Variants in PTPRD observed in about 807,000 individuals in gnomAD.
PTPRD encodes receptor-type tyrosine-protein phosphatase delta.
Under a neutral mutation model 214.5 loss-of-function variants are expected in PTPRD, and 34 were observed. The ratio of observed to expected loss-of-function variants is 0.16; its 90% confidence interval spans 0.12 to 0.21. The LOEUF is 0.21. Ranked by LOEUF, PTPRD falls within the 10% of genes least tolerant of loss-of-function variation. The pLI is 1.00. For missense variants in PTPRD, 2,545 were observed against 2,398.7 expected (o/e 1.06, Z -1.27); for synonymous variants, 1,128 against 845.7 (o/e 1.33, Z -5.79).
intron 2 of PTPRD, among the ~76,000 whole-genome samples, chr9:10,377,032 T>A (rs1598445123): frequency 6.6e-6 from 1 of 151,648 alleles, no homozygotes; most frequent in African/African-American, 2.4e-5. Flanking sequence ...CCATTAACCA[T>A]CCCCCCCTTC....
chr9:10,264,824 G>A (rs189879315), intron 3 of PTPRD, among the ~76,000 whole-genome samples: 4 of 152,222 alleles, frequency 2.6e-5, no homozygotes, highest in Non-Finnish European at 4.4e-5. Flanking sequence ...TTGAATTATA[G>A]CTCCCATAAT....
chr9:8,556,450 C>T (rs1456757873), intron 14 of PTPRD, among the ~76,000 whole-genome samples: 6 of 152,056 alleles, frequency 3.9e-5, no homozygotes, highest in Non-Finnish European at 5.9e-5. Context: ...TTGGAAATGG[C>T]TGAAAGTATA....
rs1491432473 is a variant in PTPRD at position 9,743,729 on chromosome 9, T to TACACACAC, written c.-325-9159_-325-9158insGTGTGTGT. Reference sequence around the variant, plus strand: ...ACTTCTTCATAGCAAAAACTCAGTCTATACACACACACACACACACACACA... The same window carrying TACACACAC: ...ACTTCTTCATAGCAAAAACTCAGTCTACACACACATACACACACACACACACACACACA... On this transcript the variant is annotated intron_variant, in intron 6 of 45. Transcript: ENST00000381196. 9.7e-5 allele frequency among the ~76,000 whole-genome samples: 5 copies of TACACACAC among 51,684 alleles called. No homozygotes were observed. In the East Asian group the frequency reaches 1.9e-3, roughly 20 times the overall value. The allele number at this position is 51,684 out of a possible 152,430, so 33.9% of individuals were successfully genotyped here. A position where few individuals can be genotyped will look rare whatever the true frequency, so the allele number is the denominator to read the frequency against.
rs2134464772 is a variant in PTPRD at position 8,465,569 on chromosome 9, G to A, written c.3611C>T (p.Thr1204Ile). 2 of 1,612,560 alleles carry A rather than the reference G, an allele frequency of 1.2e-6. No individual in the cohort carries two copies. Among genetic ancestry groups the A allele is most frequent in the Non-Finnish European group, 1.7e-6 (2 of 1,179,050 alleles). Residue 1204 changes from threonine (T) to isoleucine (I), a missense_variant, in exon 32 of 46, where the codon ACC becomes ATC. By Grantham distance (89) the Thr-to-Ile change is moderately conservative. Coordinates refer to ENST00000381196, the MANE Select transcript of PTPRD (RefSeq NM_002839.4). ...ACCATAATGCTTGTCATCCCCCAGG[G>A]TGAACTCAGTGGGAAGGACATCAAA... ...AHFDVLPTEF[T>I]LGDDKHYGGF...
intron 3 of PTPRD, among the ~76,000 whole-genome samples, chr9:10,042,164 C>T (rs181999337): frequency 1.3e-5 from 2 of 152,074 alleles, no homozygotes; most frequent in East Asian, 3.9e-4. Flanking sequence ...GCCCTGTAGG[C>T]ATATAAAAGA....
intron 35 of PTPRD, among the ~76,000 whole-genome samples, chr9:8,431,373 C>G (rs1037089752): frequency 7.9e-5 from 12 of 152,030 alleles, no homozygotes; most frequent in African/African-American, 2.4e-4. Flanking sequence ...GAGAAGATAT[C>G]AGGAAATTGC....
chr9:9,562,917 A>G (rs1295117788), intron 8 of PTPRD, among the ~76,000 whole-genome samples: 3 of 152,180 alleles, frequency 2.0e-5, no homozygotes, highest in Admixed American at 2.0e-4. Context: ...GTGGGCAGAC[A>G]TCTTTGCCGC....
intron 2 of PTPRD, among the ~76,000 whole-genome samples, chr9:10,468,367 G>A (rs1254970634): frequency 2.6e-5 from 4 of 152,118 alleles, no homozygotes; most frequent in African/African-American, 9.7e-5. Flanking sequence ...AGATCAAGCT[G>A]GAAACCATCA....
chr9:9,853,241 C>A (rs935059452), intron 5 of PTPRD, among the ~76,000 whole-genome samples: 21 of 152,156 alleles, frequency 1.4e-4, no homozygotes, highest in African/African-American at 4.8e-4. Context: ...AGCATAGGAG[C>A]TATAGACAAC....
intron 11 of PTPRD, among the ~76,000 whole-genome samples, chr9:8,845,959 G>A (rs1279000930): frequency 2.6e-5 from 4 of 152,138 alleles, no homozygotes; most frequent in East Asian, 3.9e-4. Context: ...CCCTTAAAAC[G>A]AAAACAAATA....
At chr9:9,439,053 A>G (rs1019139401) in intron 8 of PTPRD, among the ~76,000 whole-genome samples, 4 of 152,192 alleles carry the variant, frequency 2.6e-5, no homozygotes, top group Non-Finnish European at 5.9e-5. Context: ...TAATCATTTT[A>G]TAAACCTCAT....
intron 8 of PTPRD, among the ~76,000 whole-genome samples, chr9:9,520,271 ATATATATATATTAAGT>A (rs967565413): frequency 7.9e-4 from 61 of 77,044 alleles, no homozygotes; most frequent in Admixed American, 2.3e-3. Flanking sequence ...AAAGTTATAT[ATATATATATATTAAGT>A]TATATATATA....
At chr9:10,275,276 T>A (rs1311185080) in intron 3 of PTPRD, among the ~76,000 whole-genome samples, 1 of 152,170 alleles carries the variant, frequency 6.6e-6, no homozygotes, top group Non-Finnish European at 1.5e-5. Flanking sequence ...GGAAACTTGT[T>A]CTTTTCTTAT....
At chr9:9,671,556 T>C (rs559272973) in intron 7 of PTPRD, among the ~76,000 whole-genome samples, 11 of 152,058 alleles carry the variant, frequency 7.2e-5, no homozygotes, top group Non-Finnish European at 1.5e-4. Flanking sequence ...CCCCACAAAA[T>C]CTCTTCTTGA....
At chr9:9,590,735 T>C (rs1275446903) in intron 7 of PTPRD, among the ~76,000 whole-genome samples, 1 of 152,044 alleles carries the variant, frequency 6.6e-6, no homozygotes, top group Non-Finnish European at 1.5e-5. Context: ...TTAGGCATAT[T>C]ACATTCTCAA....
At chr9:8,643,208 C>T (rs1409262111) in intron 12 of PTPRD, among the ~76,000 whole-genome samples, 41 of 152,166 alleles carry the variant, frequency 2.7e-4, no homozygotes, top group Non-Finnish European at 7.3e-5. Context: ...AAAGAAATAA[C>T]TGCTCCTTGA....
Position 10,142,005 on chromosome 9 carries a change from C to G in PTPRD, c.-544-108215G>C, listed in dbSNP as rs1307466408. 2.8e-4 allele frequency among the ~76,000 whole-genome samples: 43 copies of G among 151,558 alleles called. No individual in the cohort carries two copies. In the East Asian group the frequency reaches 7.0e-3, roughly 25 times the overall value. On this transcript the variant is annotated intron_variant, in intron 3 of 45. Coordinates refer to ENST00000381196, the MANE Select transcript of PTPRD (RefSeq NM_002839.4). The stretch of plus-strand genomic sequence containing the variant: ...ACTATCTGATCTTTGACAAACCTGA[C>G]CAAAACAAGCAATGGGGAAAGGATT...
chr9:10,397,553 C>T (rs1236757220), intron 2 of PTPRD, among the ~76,000 whole-genome samples: 2 of 152,006 alleles, frequency 1.3e-5, no homozygotes, highest in Non-Finnish European at 2.9e-5. Context: ...TGACAACAAA[C>T]AGCATTTCAG....
chr9:9,323,498 T>C (rs960645159), intron 9 of PTPRD, among the ~76,000 whole-genome samples: 10 of 152,176 alleles, frequency 6.6e-5, no homozygotes, highest in African/African-American at 2.4e-4. Flanking sequence ...CCACATTCAG[T>C]GCTTCCATTT....
Sources: allele counts gnomAD v4.1 joint callset (sites outside exome capture counted in the v4.1 genomes callset), GRCh38; gene constraint gnomAD v4.1.1; transcripts MANE v1.5; gene names NCBI Gene and HGNC (gene_info 2026-07-23, HGNC 2026-07-21).